Variants in SOX6 observed in about 807,000 individuals in gnomAD.
SOX6 encodes transcription factor SOX-6.
In SOX6, 11 loss-of-function variants were observed where a neutral mutation model predicts 97.8. The observed-to-expected ratio is 0.11, with a 90% CI of 0.07 to 0.19. The LOEUF (loss-of-function observed/expected upper bound fraction) is 0.19. Ranked by LOEUF, SOX6 falls within the 10% of genes least tolerant of loss-of-function variation. The probability of loss-of-function intolerance (pLI) is 1.00; values close to 1 mark genes in which losing one functional copy is unlikely to be tolerated. For synonymous variants in SOX6, 360 were observed against 371.4 expected, an observed-to-expected ratio of 0.97 and a Z score of 0.35; for missense variants, 810 against 1,039.5, an observed-to-expected ratio of 0.78 and a Z score of 3.04.
chr11:16,031,693 G>T (rs574950572), intron 12 of SOX6, among the ~76,000 whole-genome samples: 13 of 152,138 alleles, frequency 8.5e-5, no homozygotes, highest in Non-Finnish European at 1.8e-4. Context: ...CTGTAAGATT[G>T]CAGTGAGAAG....
chr11:16,519,024 C>A (rs1861016219), intron 4 of SOX6, among the ~76,000 whole-genome samples: 2 of 152,254 alleles, frequency 1.3e-5, no homozygotes, highest in Middle Eastern at 3.4e-3. Context: ...ATGTCACTAA[C>A]AGTACTCCTC....
intron 1 of SOX6, among the ~76,000 whole-genome samples, chr11:16,364,888 G>A (rs2134382982): frequency 6.6e-6 from 1 of 152,140 alleles, no homozygotes; most frequent in African/African-American, 2.4e-5. Context: ...AATTATTTAA[G>A]CCTCAATTTT....
rs545046767 is a variant in SOX6, at chr11:16,098,743, AT to A, written c.899-1056del. Among the ~76,000 whole-genome samples the A allele has an allele frequency of 7.9e-5, 12 of 152,012 alleles. No individual in the cohort carries two copies. In the East Asian group the frequency reaches 2.3e-3, roughly 30 times the overall value. On this transcript the variant is annotated intron_variant, in intron 7 of 15. Transcript: ENST00000683767. ...CCTCCACACATTTTTGACATTTATA[AT>A]AATCATGTTGTTTTGCATGAACTTT...
intron 13 of SOX6, among the ~76,000 whole-genome samples, chr11:16,010,081 T>TAA (rs34209409): frequency 2.4e-5 from 3 of 126,038 alleles, no homozygotes; most frequent in African/African-American, 9.8e-5. Flanking sequence ...AAGCCGAAAA[T>TAA]AAAAAAAATA....
chr11:16,042,143 T>C (rs1855686488), intron 12 of SOX6, among the ~76,000 whole-genome samples: 1 of 152,178 alleles, frequency 6.6e-6, no homozygotes, highest in Admixed American at 6.6e-5. Flanking sequence ...GGTTAAATAA[T>C]TTACTTAAGT....
chr11:16,670,950 C>T (rs1847844159), intron 3 of SOX6, among the ~76,000 whole-genome samples: 1 of 151,910 alleles, frequency 6.6e-6, no homozygotes, highest in Non-Finnish European at 1.5e-5. Flanking sequence ...AGGAAAGTCA[C>T]ATGACTAAGC....
At chr11:16,528,754 T>A (rs1328144222) in intron 4 of SOX6, among the ~76,000 whole-genome samples, 1 of 152,060 alleles carries the variant, frequency 6.6e-6, no homozygotes, top group Admixed American at 6.6e-5. Context: ...GAAGAGAAAT[T>A]GATAGCACTT....
chr11:16,213,776 A>G (rs1852292325), intron 4 of SOX6, among the ~76,000 whole-genome samples: 1 of 152,034 alleles, frequency 6.6e-6, no homozygotes, highest in Admixed American at 6.6e-5. Context: ...CAAATAAGTA[A>G]AAAAAAATTA....
intron 1 of SOX6, 37 bp from the exon 2 acceptor site, chr11:16,341,289 T>C (rs1428943932): frequency 1.2e-6 from 2 of 1,608,884 alleles, no homozygotes; most frequent in Non-Finnish European, 1.7e-6. Context: ...AAAATGGCTG[T>C]CAATAACAAA....
At chr11:16,529,351 A>T (rs527451382) in intron 4 of SOX6, among the ~76,000 whole-genome samples, 1 of 152,090 alleles carries the variant, frequency 6.6e-6, no homozygotes, top group Non-Finnish European at 1.5e-5. Context: ...TCTCCGAGTG[A>T]TACAGTACAT....
chr11:16,021,794 T>C (rs899450678), intron 12 of SOX6, among the ~76,000 whole-genome samples: 5 of 152,104 alleles, frequency 3.3e-5, no homozygotes, highest in Admixed American at 1.3e-4. Context: ...CATCACAGCA[T>C]AAATATATCT....
At chr11:16,619,318 C>T (rs1848511323) in intron 3 of SOX6, among the ~76,000 whole-genome samples, 1 of 149,734 alleles carries the variant, frequency 6.7e-6, no homozygotes. Context: ...GCACCATGCT[C>T]TGTGCTTTTT....
At chr11:16,433,358 G>A (rs1001954515) in intron 1 of SOX6, among the ~76,000 whole-genome samples, 4 of 151,976 alleles carry the variant, frequency 2.6e-5, no homozygotes, top group Non-Finnish European at 4.4e-5. Context: ...ATAGCATTTA[G>A]TAACAAATAC....
At chr11:16,051,461 G>T (rs550304029) in intron 10 of SOX6, among the ~76,000 whole-genome samples, 1 of 152,200 alleles carries the variant, frequency 6.6e-6, no homozygotes, top group South Asian at 2.1e-4. Flanking sequence ...TTTTGTGTGT[G>T]TTCATAGGGA....
At chr11:16,353,821 G>C (rs1018501713) in intron 1 of SOX6, among the ~76,000 whole-genome samples, 3 of 152,042 alleles carry the variant, frequency 2.0e-5, no homozygotes, top group East Asian at 3.9e-4. Flanking sequence ...CCAAGCTGTG[G>C]TGTTAGTTAT....
chr11:16,195,957 T>C, intron 4 of SOX6, among the ~76,000 whole-genome samples: 1 of 152,140 alleles, frequency 6.6e-6, no homozygotes, highest in East Asian at 1.9e-4. Flanking sequence ...TAGCATGATT[T>C]GAGAAACCTC....
intron 4 of SOX6, among the ~76,000 whole-genome samples, chr11:16,487,904 C>A (rs10832619): frequency 0.17 from 25,433 of 152,058 alleles, 2,619 homozygotes; most frequent in Admixed American, 0.3. Context: ...GAGTTGACAC[C>A]GCCTGTTGTG....
At chr11:16,560,545 ACATATGTTTATACG>A (rs1565180666) in intron 4 of SOX6, among the ~76,000 whole-genome samples, 8 of 93,694 alleles carry the variant, frequency 8.5e-5, no homozygotes, top group Middle Eastern at 8.2e-3. Flanking sequence ...GTTTATACGT[ACATATGTTTATACG>A]TACATATATG....
intron 3 of SOX6, among the ~76,000 whole-genome samples, chr11:16,290,299 A>G (rs1319300368): frequency 6.6e-6 from 1 of 152,088 alleles, no homozygotes; most frequent in Admixed American, 6.6e-5. Context: ...AATTATTTCC[A>G]TCTGAAACCT....
Sources: allele counts gnomAD v4.1 joint callset (sites outside exome capture counted in the v4.1 genomes callset), GRCh38; gene constraint gnomAD v4.1.1; transcripts MANE v1.5; gene names NCBI Gene and HGNC (gene_info 2026-07-23, HGNC 2026-07-21).